The following AP2B1 variants were observed in gnomAD, a reference collection of about 807,000 sequenced individuals.
AP2B1 encodes the protein adaptor related protein complex 2 subunit beta 1.
In AP2B1, 23 loss-of-function variants were observed where a neutral mutation model predicts 102.0. The observed-to-expected ratio is 0.23, with a 90% confidence interval of 0.16 to 0.32. The LOEUF (loss-of-function observed/expected upper bound fraction) is 0.32, where lower values mean the gene tolerates loss of function less well. Among genes scored for constraint, AP2B1 ranks in the 10% least tolerant of loss-of-function variants. AP2B1 has a pLI of 1.00. For synonymous variants in AP2B1, 381 were observed against 421.2 expected, an observed-to-expected ratio of 0.90 and a Z score of 1.17; for missense variants, 541 against 1,157.4, an observed-to-expected ratio of 0.47 and a Z score of 7.73.
chr17:35,627,805 T>A, intron 9 of AP2B1, 79 bp downstream of exon 9: 4 of 1,222,862 alleles, frequency 3.3e-6, no homozygotes, highest in Non-Finnish European at 4.6e-6. Context: ...AAATAATTTT[T>A]AAGTTTATCA....
At chr17:35,636,486 T>G in intron 10 of AP2B1, 30 bp downstream of exon 10, 1 of 1,537,670 alleles carries the variant, frequency 6.5e-7, no homozygotes, top group Non-Finnish European at 9.0e-7. Flanking sequence ...CCCCTCTTTC[T>G]CAAATTACTT....
intron 5 of AP2B1, among the ~76,000 whole-genome samples, chr17:35,618,691 T>C (rs932639672): frequency 1.3e-5 from 2 of 152,180 alleles, no homozygotes; most frequent in Non-Finnish European, 2.9e-5. Context: ...ACTCCCAGTT[T>C]ATATCTAGAT....
intron 6 of AP2B1, among the ~76,000 whole-genome samples, chr17:35,626,175 A>C (rs1019598227): frequency 1.3e-5 from 2 of 152,146 alleles, no homozygotes; most frequent in East Asian, 3.8e-4. Flanking sequence ...CTTACAATGA[A>C]ATCTTCAGCC....
chr17:35,646,630 G>A (rs943072109), intron 12 of AP2B1, among the ~76,000 whole-genome samples: 1 of 143,940 alleles, frequency 6.9e-6, no homozygotes, highest in African/African-American at 2.6e-5. Context: ...CTGTTACCCA[G>A]GCTGGAGTGC....
At chr17:35,601,711 T>A (rs1376021140) in intron 3 of AP2B1, among the ~76,000 whole-genome samples, 1 of 152,144 alleles carries the variant, frequency 6.6e-6, no homozygotes, top group Non-Finnish European at 1.5e-5. Flanking sequence ...GAAGGGCTGT[T>A]TTTGCCAAAG....
intron 17 of AP2B1, among the ~76,000 whole-genome samples, chr17:35,676,893 A>G (rs945311146): frequency 6.6e-6 from 1 of 152,036 alleles, no homozygotes; most frequent in Non-Finnish European, 1.5e-5. Context: ...AGTTCTTTGT[A>G]TATTCTGGAT....
At chr17:35,661,938 A>G (rs908692968) in intron 14 of AP2B1, among the ~76,000 whole-genome samples, 9 of 151,984 alleles carry the variant, frequency 5.9e-5, no homozygotes, top group Non-Finnish European at 1.2e-4. Flanking sequence ...CTTTTGCTCC[A>G]ACCTAGTAGA....
chr17:35,657,665 C>A lies in AP2B1; in HGVS notation c.1863C>A (p.Ile621=). The part of the protein sequence containing the change: ...TATNLEQPQV[I]PSQGDLLGDL... ...CGAACCTGGAACAGCCTCAGGTTATCCCCTCTCAAGGTGATCTTCTAGGGG... is the reference window on the plus strand; with the variant it reads ...CGAACCTGGAACAGCCTCAGGTTATACCCTCTCAAGGTGATCTTCTAGGGG... Residue 621 remains isoleucine, a synonymous_variant, in exon 14 of 22, where the codon ATC becomes ATA. Transcript: ENST00000610402. The A allele has an allele frequency of 6.2e-7, 1 of 1,614,146 alleles. No individual in the cohort carries two copies. Among genetic ancestry groups the A allele is most frequent in the Non-Finnish European group, 8.5e-7 (1 of 1,180,000 alleles).
At chr17:35,620,485 T>C (rs2074143853) in intron 5 of AP2B1, among the ~76,000 whole-genome samples, 1 of 152,110 alleles carries the variant, frequency 6.6e-6, no homozygotes, top group African/African-American at 2.4e-5. Context: ...AAATCCTATT[T>C]AAAAATTCAT....
rs144158037 is a variant in AP2B1 at position 35,620,867 on chromosome 17, G to A, written c.526-3530G>A. Among the ~76,000 whole-genome samples the A allele has an allele frequency of 4.5e-3, 691 of 152,264 alleles. 2 individuals carry two copies. The highest frequency in any genetic ancestry group is 0.014 in the South Asian group (68 of 4,824). ...TGGAAACTCTAATTTTTCTGAAATG[G>A]TAGCTAAAGGCCATTGTTCTCTTTC... On this transcript the variant is annotated intron_variant, in intron 5 of 21. Coordinates refer to ENST00000610402, the MANE Select transcript of AP2B1 (RefSeq NM_001030006.2).
intron 17 of AP2B1, among the ~76,000 whole-genome samples, chr17:35,680,786 T>G (rs1393456949): frequency 6.9e-6 from 1 of 145,768 alleles, no homozygotes; most frequent in Non-Finnish European, 1.5e-5. Context: ...AACTTCCGCC[T>G]CCCGGGTTCA....
rs185643201 is a variant in AP2B1, at chr17:35,598,471, G to A, written c.143+136G>A. 250 of 524,666 alleles carry A rather than the reference G, an allele frequency of 4.8e-4. 1 individual carries two copies. Among genetic ancestry groups the A allele is most frequent in the African/African-American group, 4.3e-3 (230 of 53,156 alleles). 32.5% of individuals were successfully genotyped at this position (524,666 alleles called of 1,614,324 possible). A position where few individuals can be genotyped will look rare whatever the true frequency, so the allele number is the denominator to read the frequency against. ...GTTTGTCCCACTAAAAACATCATTA[G>A]GAAGTGCAGTTGCCTTTGTATTAAT... On this transcript the variant is annotated intron_variant, in intron 3 of 21. Coordinates refer to ENST00000610402, the MANE Select transcript of AP2B1 (RefSeq NM_001030006.2).
chr17:35,593,765 A>G (rs2073173764), intron 1 of AP2B1, among the ~76,000 whole-genome samples: 1 of 152,236 alleles, frequency 6.6e-6, no homozygotes, highest in South Asian at 2.1e-4. Flanking sequence ...TCACAAAGCC[A>G]TAATAGGTTC....
At chr17:35,710,390 T>C (rs868928786) in intron 20 of AP2B1, 70 bp downstream of exon 20, 3 of 1,101,180 alleles carry the variant, frequency 2.7e-6, no homozygotes, top group African/African-American at 1.6e-5. Context: ...TTTTAATCTT[T>C]CTTTTGCCTA....
chr17:35,678,541 C>T (rs1442960213), intron 17 of AP2B1, among the ~76,000 whole-genome samples: 2 of 152,134 alleles, frequency 1.3e-5, no homozygotes, highest in Non-Finnish European at 2.9e-5. Flanking sequence ...TCATTCTGTT[C>T]CTGGTTTTCT....
intron 21 of AP2B1, among the ~76,000 whole-genome samples, chr17:35,717,977 G>A (rs1195201628): frequency 1.3e-5 from 2 of 152,186 alleles, no homozygotes; most frequent in African/African-American, 4.8e-5. Context: ...CCAAGCACTA[G>A]GCATTTGTTT....
intron 5 of AP2B1, among the ~76,000 whole-genome samples, chr17:35,623,996 C>T (rs2074252463): frequency 6.6e-6 from 1 of 152,176 alleles, no homozygotes; most frequent in Admixed American, 6.5e-5. Flanking sequence ...TATACAGCTA[C>T]ACAACTATAA....
In AP2B1 at chr17:35,656,822, T is replaced by C. The variant is rs184480400; in HGVS notation, c.1797-777T>C. Reference sequence around the variant, plus strand: ...ATGGCGTGAACCTGGGAGGCGGAGCTTGCAGTGAGCCGAGATGGCGCCACT... The same window carrying C: ...ATGGCGTGAACCTGGGAGGCGGAGCCTGCAGTGAGCCGAGATGGCGCCACT... On this transcript the variant is annotated intron_variant, in intron 13 of 21. Coordinates refer to ENST00000610402, the MANE Select transcript of AP2B1 (RefSeq NM_001030006.2). Among the ~76,000 whole-genome samples, 763 of 151,724 alleles carry C rather than the reference T, an allele frequency of 5.0e-3. 8 individuals are homozygous for C. Among genetic ancestry groups the C allele is most frequent in the African/African-American group, 0.018 (729 of 41,316 alleles).
At chr17:35,699,031 T>G (rs1313620495) in intron 18 of AP2B1, among the ~76,000 whole-genome samples, 1 of 152,198 alleles carries the variant, frequency 6.6e-6, no homozygotes, top group Non-Finnish European at 1.5e-5. Context: ...ATTTGAGAGT[T>G]TTTTGAGATT....
Sources: allele counts gnomAD v4.1 joint callset (sites outside exome capture counted in the v4.1 genomes callset), GRCh38; gene constraint gnomAD v4.1.1; transcripts MANE v1.5; gene names NCBI Gene and HGNC (gene_info 2026-07-23, HGNC 2026-07-21).